CDON: variants seen among roughly 807,000 people sequenced by gnomAD.
CDON encodes cell adhesion molecule-related/down-regulated by oncogenes.
A neutral mutation model predicts 120.9 loss-of-function variants in CDON; 73 were observed. The ratio of observed to expected loss-of-function variants is 0.60; its 90% CI spans 0.50 to 0.73. CDON has a LOEUF of 0.73. CDON is among the 30% of genes least tolerant of loss of function. CDON has a pLI of 0.00. For synonymous variants in CDON, 566 were observed against 573.5 expected, an observed-to-expected ratio of 0.99 and a Z score of 0.19; for missense variants, 1,470 against 1,587.3, an observed-to-expected ratio of 0.93 and a Z score of 1.26.
At chr11:126,051,749 G>A (rs1011174791) in intron 1 of CDON, among the ~76,000 whole-genome samples, 3 of 150,514 alleles carry the variant, frequency 2.0e-5, no homozygotes, top group African/African-American at 7.3e-5. Flanking sequence ...CCGAGTTCAA[G>A]CGATTCTCCT....
Position 125,980,764 on chromosome 11 carries a change from T to C in CDON, c.3276+285A>G, listed in dbSNP as rs573080383. On this transcript the variant is annotated intron_variant, in intron 17 of 19. Coordinates refer to ENST00000531738, the MANE Select transcript of CDON (RefSeq NM_001378964.1). ...AAATTTAAAGTATTTGGTATTTCCATTTCATCTAAAGAACAACTTCCAGTC... is the reference window on the plus strand; with the variant it reads ...AAATTTAAAGTATTTGGTATTTCCACTTCATCTAAAGAACAACTTCCAGTC... 2.6e-5 allele frequency among the ~76,000 whole-genome samples: 4 copies of C among 152,362 alleles called. No individual in the cohort carries two copies. In the East Asian group the frequency reaches 5.8e-4, roughly 22 times the overall value.
Position 125,989,636 on chromosome 11 carries a change from C to A in CDON, c.2773+1G>T. ...CCAGGGAAAAGCAAAAATTCTCCTA[C>A]CTTTAGTCTCGCAGATCATCACATT... is the stretch of plus-strand genomic sequence containing the variant. On this transcript the variant is annotated splice_donor_variant, in intron 15 of 19. Coordinates refer to ENST00000531738, the MANE Select transcript of CDON (RefSeq NM_001378964.1). LOFTEE classifies it high-confidence loss of function. 6.2e-7 allele frequency: 1 copy of A among 1,612,508 alleles called. No individual in the cohort carries two copies. The highest frequency in any genetic ancestry group is 8.5e-7 in the Non-Finnish European group (1 of 1,178,932).
intron 14 of CDON, among the ~76,000 whole-genome samples, chr11:125,993,227 G>T (rs1288413353): frequency 2.0e-5 from 3 of 152,068 alleles, no homozygotes; most frequent in Non-Finnish European, 2.9e-5. Flanking sequence ...ATTCATACAT[G>T]AATTCAATAC....
In CDON at chr11:126,001,718, C is replaced by T. The variant is rs769868244; in HGVS notation, c.2158+1G>A. On this transcript the variant is annotated splice_donor_variant, in intron 11 of 19. Coordinates refer to ENST00000531738, the MANE Select transcript of CDON (RefSeq NM_001378964.1). LOFTEE classifies it high-confidence loss of function. The stretch of plus-strand genomic sequence containing the variant: ...AAACAATAAAATATTCTTCTTTTTA[C>T]CTCCACTGTGCCTAGAGGAATCTGT... 6.2e-7 allele frequency: 1 copy of T among 1,612,968 alleles called. No individual in the cohort carries two copies. Among genetic ancestry groups the T allele is most frequent in the East Asian group, 2.2e-5 (1 of 44,842 alleles).
rs1408460399 is a variant in CDON at position 126,034,711 on chromosome 11, A to G, written c.-61-11174T>C. Among the ~76,000 whole-genome samples the G allele has an allele frequency of 6.6e-6, 1 of 152,180 alleles. No homozygotes were observed. Among genetic ancestry groups the G allele is most frequent in the Non-Finnish European group, 1.5e-5 (1 of 68,032 alleles). On this transcript the variant is annotated intron_variant, in intron 1 of 19. Coordinates refer to ENST00000531738, the MANE Select transcript of CDON (RefSeq NM_001378964.1). The surrounding 1 kb of genome is among the most constrained non-coding windows in gnomAD (Gnocchi z 4.5). Reference sequence around the variant, plus strand: ...AGCTGCATACAAATGGTGAAATTCTAAAAAGCAGCGTGAGAGAGATTATTA... The same window carrying G: ...AGCTGCATACAAATGGTGAAATTCTGAAAAGCAGCGTGAGAGAGATTATTA...
chr11:126,015,158 TA>T, intron 7 of CDON, 82 bp downstream of exon 7: 2 of 1,351,710 alleles, frequency 1.5e-6, no homozygotes, highest in Admixed American at 1.7e-5. Context: ...TTTCTTTTAG[TA>T]AAAATAATTT....
intron 9 of CDON, chr11:126,005,525 T>C (rs1009069180): frequency 1.8e-6 from 1 of 571,054 alleles, no homozygotes; most frequent in Non-Finnish European, 3.1e-6. Flanking sequence ...AATACACATG[T>C]AAAGACATCA....
chr11:126,059,748 C>G (rs1294439849), intron 1 of CDON, among the ~76,000 whole-genome samples: 1 of 152,072 alleles, frequency 6.6e-6, no homozygotes, highest in Non-Finnish European at 1.5e-5. Context: ...TCAAAAGGCA[C>G]CAGGCAGCTA....
chr11:126,010,411 A>G lies in CDON; in HGVS notation c.1482T>C (p.His494=). The change falls in exon 8 of 20, where the codon CAT becomes CAC. Residue 494 remains histidine (H), a synonymous_variant. Coordinates refer to ENST00000531738, the MANE Select transcript of CDON (RefSeq NM_001378964.1). The part of the protein sequence containing the change: ...SLHIQAVTQE[H]AGKYICEAAN... ...CAGCTTCGCAGATGTATTTCCCCGC[A>G]TGTTCCTGAGTCACAGCCTGAATAT... is the stretch of plus-strand genomic sequence containing the variant. 6.2e-7 allele frequency: 1 copy of G among 1,614,140 alleles called. No individual in the cohort carries two copies. Among genetic ancestry groups the G allele is most frequent in the Non-Finnish European group, 8.5e-7 (1 of 1,180,004 alleles).
intron 1 of CDON, among the ~76,000 whole-genome samples, chr11:126,061,679 T>A (rs1339598255): frequency 6.6e-6 from 1 of 152,242 alleles, no homozygotes; most frequent in African/African-American, 2.4e-5. Flanking sequence ...ATAAATCTCA[T>A]GTGAGCTTTT....
At chr11:126,057,249 C>T (rs1948702047) in intron 1 of CDON, among the ~76,000 whole-genome samples, 1 of 152,098 alleles carries the variant, frequency 6.6e-6, no homozygotes, top group South Asian at 2.1e-4. Flanking sequence ...TTTTTTCCCC[C>T]AAAGACTGTG....
At chr11:126,017,674 T>C (rs1355226388) in intron 5 of CDON, among the ~76,000 whole-genome samples, 1 of 151,896 alleles carries the variant, frequency 6.6e-6, no homozygotes, top group African/African-American at 2.4e-5. Context: ...GTGATTTTCA[T>C]TACATCTGAA....
At chr11:126,018,607 C>T (rs886738399) in intron 4 of CDON, 134 bp from the exon 5 acceptor site, 3 of 790,538 alleles carry the variant, frequency 3.8e-6, no homozygotes, top group Admixed American at 4.0e-5. Context: ...CTCATTCTGT[C>T]ACCCAGGCTG....
intron 18 of CDON, among the ~76,000 whole-genome samples, chr11:125,974,470 C>T (rs975995733): frequency 6.8e-6 from 1 of 147,292 alleles, no homozygotes; most frequent in African/African-American, 2.5e-5. Context: ...TTTTATCATT[C>T]TCCTTTTCCC....
chr11:126,021,580 A>AAC, intron 2 of CDON, 60 bp from the exon 3 acceptor site: 5 of 1,420,830 alleles, frequency 3.5e-6, no homozygotes, highest in Non-Finnish European at 4.9e-6. Context: ...AGAGAGAAAG[A>AAC]AGATTACATT....
Position 126,021,295 on chromosome 11 carries a change from TTGTTGGCAA to T in CDON, c.293_301del (p.Leu98_Asn101delinsHis). On this transcript the variant is annotated inframe_deletion, in exon 3 of 20. Coordinates refer to ENST00000531738, the MANE Select transcript of CDON (RefSeq NM_001378964.1). ...GCCACTCACAATGGCACCGATGCTATTGTTGGCAAGGCACTGGTAGTAACCCAAAAGAGA... is the reference window on the plus strand; with the variant it reads ...GCCACTCACAATGGCACCGATGCTATGGCACTGGTAGTAACCCAAAAGAGA... 6.2e-7 allele frequency: 1 copy of T among 1,614,150 alleles called. No individual in the cohort carries two copies. The highest frequency in any genetic ancestry group is 8.5e-7 in the Non-Finnish European group (1 of 1,180,008).
intron 8 of CDON, among the ~76,000 whole-genome samples, chr11:126,008,932 T>C (rs1947209267): frequency 6.6e-6 from 1 of 152,238 alleles, no homozygotes; most frequent in Non-Finnish European, 1.5e-5. Flanking sequence ...CATAACTTTA[T>C]ACTTAGTATC....
At chr11:126,033,839 C>T (rs1386312649) in intron 1 of CDON, among the ~76,000 whole-genome samples, 1 of 152,174 alleles carries the variant, frequency 6.6e-6, no homozygotes, top group African/African-American at 2.4e-5. Context: ...TAGCATGCTA[C>T]TCTCTGGGGC....
At chr11:125,974,655 G>A (rs1336415406) in intron 18 of CDON, among the ~76,000 whole-genome samples, 1 of 151,956 alleles carries the variant, frequency 6.6e-6, no homozygotes, top group Non-Finnish European at 1.5e-5. Flanking sequence ...CTCCTTTGGT[G>A]TCTCATCTGT....
Sources: allele counts gnomAD v4.1 joint callset (sites outside exome capture counted in the v4.1 genomes callset), GRCh38; gene constraint gnomAD v4.1.1; non-coding constraint Gnocchi (gnomAD v3.1); transcripts MANE v1.5; gene names NCBI Gene and HGNC (gene_info 2026-07-23, HGNC 2026-07-21).